RELN: variants seen among roughly 807,000 people sequenced by gnomAD.
The protein encoded by RELN is reelin.
A neutral mutation model predicts 427.6 loss-of-function variants in RELN; 108 were observed. The observed-to-expected ratio is 0.25, with a 90% CI of 0.22 to 0.30. RELN has a LOEUF of 0.30. Ranked by LOEUF, RELN falls within the 10% of genes least tolerant of loss-of-function variation. The pLI is 1.00. For missense variants in RELN, 3,715 were observed against 4,302.8 expected (o/e 0.86, Z 3.82); for synonymous variants, 1,524 against 1,513.4 (o/e 1.01, Z -0.16).
chr7:103,791,762 G>C (rs1255952856), intron 3 of RELN, among the ~76,000 whole-genome samples: 1 of 128,196 alleles, frequency 7.8e-6, no homozygotes. Context: ...TGCAACAAAG[G>C]ATACCATTTA....
intron 41 of RELN, among the ~76,000 whole-genome samples, chr7:103,548,960 C>T (rs1168979036): frequency 6.6e-6 from 1 of 151,972 alleles, no homozygotes; most frequent in East Asian, 1.9e-4. Flanking sequence ...AAGCAAGTCT[C>T]AGTTGGCAAA....
In RELN at chr7:103,472,113, G is replaced by A. The variant is rs2116943996; in HGVS notation, c.*699C>T. ...AATGGGAACTTATTTGTGGGAGATA[G>A]GGTCTTCATCCACAATTTAAAGTAG... On this transcript the variant is annotated 3_prime_UTR_variant, in exon 65 of 65. Transcript: ENST00000428762. The A allele has an allele frequency of 6.6e-6, 1 of 152,576 alleles. No individual in the cohort carries two copies. Among genetic ancestry groups the A allele is most frequent in the South Asian group, 2.1e-4 (1 of 4,830 alleles). 9.5% of individuals were successfully genotyped at this position (152,576 alleles called of 1,614,324 possible).
In RELN at chr7:103,828,104, C is replaced by T. The variant is rs141553157; in HGVS notation, c.473+5433G>A. On this transcript the variant is annotated intron_variant, in intron 3 of 64. Coordinates refer to ENST00000428762, the MANE Select transcript of RELN (RefSeq NM_005045.4). Reference sequence around the variant, plus strand: ...AAGGCAAATACATCTGTGATGTGTCCGTCTGATGAATGGAAATAAATGGGC... The same window carrying T: ...AAGGCAAATACATCTGTGATGTGTCTGTCTGATGAATGGAAATAAATGGGC... Among the ~76,000 whole-genome samples the T allele has an allele frequency of 9.5e-4, 144 of 151,988 alleles. 1 individual carries two copies. Among genetic ancestry groups the T allele is most frequent in the Non-Finnish European group, 1.8e-4 (12 of 67,892 alleles).
rs199498206 is a variant in RELN at position 103,981,775 on chromosome 7, G to A, written c.226+7356C>T. 3.3e-5 allele frequency among the ~76,000 whole-genome samples: 5 copies of A among 152,344 alleles called. No individual in the cohort carries two copies. The East Asian group carries it at 9.6e-4, about 29-fold the overall frequency. ...TTATCCTCAAGGTCACAAGATGGTTGTATCATCTCCGAGCTAGAATAGGCA... is the reference window on the plus strand; with the variant it reads ...TTATCCTCAAGGTCACAAGATGGTTATATCATCTCCGAGCTAGAATAGGCA... On this transcript the variant is annotated intron_variant, in intron 1 of 64. Transcript: ENST00000428762.
chr7:103,682,332 T>A, intron 10 of RELN, 71 bp from the exon 11 acceptor site: 3 of 1,542,716 alleles, frequency 1.9e-6, no homozygotes, highest in Non-Finnish European at 2.7e-6. Context: ...TACTCATGTA[T>A]AATTAGAGTT....
chr7:103,848,400 T>C (rs1005046891), intron 2 of RELN, among the ~76,000 whole-genome samples: 1 of 152,228 alleles, frequency 6.6e-6, no homozygotes, highest in Non-Finnish European at 1.5e-5. Context: ...ATAGCTTTTC[T>C]GGGAGGCCTG....
Position 103,640,538 on chromosome 7 carries a change from C to T in RELN, c.2069+5G>A, listed in dbSNP as rs1342490305. ...GAAGCATAAGTGTTATTTTAAGATGCTTACTTGCAACCATGTCTAGTGCAC... is the reference window on the plus strand; with the variant it reads ...GAAGCATAAGTGTTATTTTAAGATGTTTACTTGCAACCATGTCTAGTGCAC... On this transcript the variant is annotated splice_donor_5th_base_variant and intron_variant, in intron 17 of 64. Transcript: ENST00000428762. The surrounding 1 kb of genome is among the most constrained non-coding windows in gnomAD (Gnocchi z 4.1). 5 of 1,613,676 alleles carry T rather than the reference C, an allele frequency of 3.1e-6. No individual in the cohort carries two copies. Among genetic ancestry groups the T allele is most frequent in the Non-Finnish European group, 4.2e-6 (5 of 1,179,730 alleles).
At chr7:103,794,765 T>C (rs1170065965) in intron 3 of RELN, among the ~76,000 whole-genome samples, 1 of 152,090 alleles carries the variant, frequency 6.6e-6, no homozygotes, top group Admixed American at 6.6e-5. Flanking sequence ...CTGTGCATTG[T>C]AGAATACTTA....
intron 6 of RELN, among the ~76,000 whole-genome samples, chr7:103,731,490 A>G (rs1314079168): frequency 2.0e-5 from 3 of 151,474 alleles, no homozygotes; most frequent in East Asian, 3.9e-4. Context: ...CTCTCCTTCT[A>G]TTTTTTTTTA....
At chr7:103,773,134 T>TTCTTTCTTTCTTTCTTTCTTTCTC (rs1791621800) in intron 4 of RELN, among the ~76,000 whole-genome samples, 1 of 98,408 alleles carries the variant, frequency 1.0e-5, no homozygotes, top group South Asian at 3.9e-4. Context: ...CTTTCTTTCT[T>TTCTTTCTTTCTTTCTTTCTTTCTC]TCTTTCTTTC....
chr7:103,841,854 T>G (rs1236438631), intron 2 of RELN, among the ~76,000 whole-genome samples: 11 of 152,194 alleles, frequency 7.2e-5, no homozygotes, highest in Non-Finnish European at 5.9e-5. Flanking sequence ...ATGAAAGATG[T>G]GGATTACTCA....
intron 51 of RELN, among the ~76,000 whole-genome samples, chr7:103,506,594 C>A (rs1319638044): frequency 2.0e-5 from 3 of 152,108 alleles, no homozygotes; most frequent in African/African-American, 4.8e-5. Flanking sequence ...CCAGTACCAG[C>A]CACTGCAAAA....
chr7:103,562,030 A>G, intron 34 of RELN, 77 bp from the exon 35 acceptor site: 1 of 1,530,106 alleles, frequency 6.5e-7, no homozygotes. Flanking sequence ...ATTTATTTTA[A>G]TTCCCTTTTC....
chr7:103,613,135 A>C (rs1352935993), intron 20 of RELN, among the ~76,000 whole-genome samples: 1 of 152,208 alleles, frequency 6.6e-6, no homozygotes, highest in Non-Finnish European at 1.5e-5. Context: ...TCTGTGTAGT[A>C]GGAATAATTA....
Position 103,989,501 on chromosome 7 carries a change from G to A in RELN, c.-145C>T, listed in dbSNP as rs1797181923. On this transcript the variant is annotated 5_prime_UTR_variant, in exon 1 of 65. Transcript: ENST00000428762. The surrounding 1 kb of genome is among the most constrained non-coding windows in gnomAD (Gnocchi z 4.9). ...AACGGGCTCGGGAGCGGGCCTGGGAGCGGGCCCCCGCCGAGAAGTTCCGCG... is the reference window on the plus strand; with the variant it reads ...AACGGGCTCGGGAGCGGGCCTGGGAACGGGCCCCCGCCGAGAAGTTCCGCG... 3.1e-6 allele frequency: 2 copies of A among 639,164 alleles called. No homozygotes were observed. Among genetic ancestry groups the A allele is most frequent in the Non-Finnish European group, 4.6e-6 (2 of 432,814 alleles). 39.6% of individuals were successfully genotyped at this position (639,164 alleles called of 1,614,324 possible). A position where few individuals can be genotyped will look rare whatever the true frequency, so the allele number is the denominator to read the frequency against.
In RELN at chr7:103,553,791, G is replaced by T. The variant is rs759612378; in HGVS notation, c.5838C>A (p.Ile1946=). 3 of 1,613,872 alleles carry T rather than the reference G, an allele frequency of 1.9e-6. No individual in the cohort carries two copies. Among genetic ancestry groups the T allele is most frequent in the Middle Eastern group, 1.7e-4 (1 of 6,060 alleles). Residue 1946 remains isoleucine (I), a synonymous_variant, in exon 39 of 65, where the codon ATC becomes ATA. Transcript: ENST00000428762. ...CAGGGTTGTTTACATTATTTCCATC[G>T]ATAATGAAGTCATCAACAATCCAGA... is the stretch of plus-strand genomic sequence containing the variant. ...EEIWIVDDFI[I]DGNNVNNPVM...
intron 45 of RELN, among the ~76,000 whole-genome samples, chr7:103,537,915 A>G (rs1438882779): frequency 3.9e-5 from 6 of 152,300 alleles, no homozygotes; most frequent in Non-Finnish European, 4.4e-5. Context: ...AACTTCTTAG[A>G]TTGGCCAACC....
chr7:103,625,041 C>CTA (rs1461794007), intron 20 of RELN, among the ~76,000 whole-genome samples: 1 of 152,134 alleles, frequency 6.6e-6, no homozygotes, highest in East Asian at 1.9e-4. Flanking sequence ...TAAACAAAAA[C>CTA]TATAGCTTTC....
chr7:103,890,967 A>C (rs1436748312), intron 2 of RELN, among the ~76,000 whole-genome samples: 1 of 152,084 alleles, frequency 6.6e-6, no homozygotes, highest in Non-Finnish European at 1.5e-5. Context: ...TCCCAGCTGT[A>C]ATCCCTCAGG....
Sources: gnomAD v4.1 joint callset for allele counts (sites outside exome capture counted in the v4.1 genomes callset) on GRCh38, gnomAD v4.1.1 for gene constraint, Gnocchi (gnomAD v3.1) non-coding constraint, MANE v1.5 for transcripts, NCBI Gene and HGNC (gene_info 2026-07-23, HGNC 2026-07-21) for gene names.